The following TTYH2 variants were observed in gnomAD, a reference collection of about 807,000 sequenced individuals.
TTYH2 encodes tweety family member 2.
Under a neutral mutation model 68.3 loss-of-function variants are expected in TTYH2, and 49 were observed. The ratio of observed to expected loss-of-function variants is 0.72; its 90% CI spans 0.57 to 0.91. TTYH2 has a LOEUF of 0.91. Among genes scored for constraint, TTYH2 ranks in the 40% least tolerant of loss-of-function variants. The pLI is 0.00. For synonymous variants in TTYH2, 272 were observed against 300.8 expected (o/e 0.90, Z 0.99); for missense variants, 631 against 700.4 (o/e 0.90, Z 1.12).
chr17:74,225,761 C>G (rs1345113128), intron 2 of TTYH2, among the ~76,000 whole-genome samples: 1 of 152,182 alleles, frequency 6.6e-6, no homozygotes, highest in Non-Finnish European at 1.5e-5. Context: ...CCTACCAGCA[C>G]CTCCATCGGC....
chr17:74,230,763 A>G, intron 2 of TTYH2, 125 bp from the exon 3 acceptor site: 1 of 899,606 alleles, frequency 1.1e-6, no homozygotes, highest in Non-Finnish European at 1.6e-6. Flanking sequence ...CCTCAACTCA[A>G]CCTCCTGAGT....
rs750745999 is a variant in TTYH2 at position 74,249,928 on chromosome 17, T to C, written c.931-8T>C. ...CCTCACTGTGGGGCTGTGTCTTTCC[T>C]GGCTCAGACCCTGACCACCTTCCAG... is the stretch of plus-strand genomic sequence containing the variant. On this transcript the variant is annotated splice_polypyrimidine_tract_variant and splice_region_variant and intron_variant, in intron 8 of 13. Coordinates refer to ENST00000269346, the MANE Select transcript of TTYH2 (RefSeq NM_032646.6). The C allele has an allele frequency of 5.0e-6, 8 of 1,613,294 alleles. No individual in the cohort carries two copies. The highest frequency in any genetic ancestry group is 6.8e-6 in the Non-Finnish European group (8 of 1,179,764).
chr17:74,247,151 C>G (rs111396098), intron 6 of TTYH2, among the ~76,000 whole-genome samples: 17 of 146,560 alleles, frequency 1.2e-4, no homozygotes, highest in African/African-American at 3.8e-4. Context: ...CACTGCACTC[C>G]AGCCTGGGCG....
At chr17:74,237,173 G>A (rs2050451583) in intron 3 of TTYH2, 121 bp from the exon 4 acceptor site, 3 of 953,252 alleles carry the variant, frequency 3.1e-6, no homozygotes, top group Non-Finnish European at 4.8e-6. Flanking sequence ...GTGCTGGGAT[G>A]ACAGGCATGA....
chr17:74,218,755 G>C (rs370198343), intron 1 of TTYH2, among the ~76,000 whole-genome samples: 2 of 152,128 alleles, frequency 1.3e-5, no homozygotes, highest in Non-Finnish European at 2.9e-5. Context: ...GATCCTTCTC[G>C]GACGAGCCTT....
intron 3 of TTYH2, among the ~76,000 whole-genome samples, chr17:74,231,778 G>A (rs1405602477): frequency 6.6e-6 from 1 of 152,158 alleles, no homozygotes; most frequent in African/African-American, 2.4e-5. Context: ...GTGACTCCAG[G>A]TGGGGGCTCA....
Position 74,237,369 on chromosome 17 carries a change from C to A in TTYH2, c.490C>A (p.Arg164=), listed in dbSNP as rs200550210. ...LARLSEIFAA[R]GDYLQTLKFI... is the part of the protein sequence containing the mutation. ...CCGGCTCAGTGAGATCTTTGCTGCC[C>A]GGGGCGATTACCTGCAGACCCTGAA... Residue 164 remains arginine, a synonymous_variant, in exon 4 of 14, where the codon CGG becomes AGG. Transcript: ENST00000269346. 111 of 1,614,112 alleles carry A rather than the reference C, an allele frequency of 6.9e-5. No homozygotes were observed. In the East Asian group the frequency reaches 9.4e-4, roughly 14 times the overall value.
intron 2 of TTYH2, among the ~76,000 whole-genome samples, chr17:74,228,449 A>G (rs953508949): frequency 4.6e-5 from 7 of 152,218 alleles, no homozygotes; most frequent in African/African-American, 1.4e-4. Context: ...CAATCTTCAG[A>G]TGGTCTCAAG....
chr17:74,256,439 C>T lies in TTYH2; in HGVS notation c.1524+2606C>T, dbSNP rs915500619. On this transcript the variant is annotated intron_variant, in intron 13 of 13. Transcript: ENST00000269346. ...GCGTGTGGGATGTTCAGCAGCATCC[C>T]TGGCCTCTACCTGCTAGCAAGCCTG... Among the ~76,000 whole-genome samples the T allele has an allele frequency of 1.1e-4, 16 of 152,098 alleles. 1 individual carries two copies. The highest frequency in any genetic ancestry group is 9.8e-4 in the Admixed American group (15 of 15,272).
chr17:74,225,429 G>A (rs2050320117), intron 2 of TTYH2, among the ~76,000 whole-genome samples: 1 of 152,194 alleles, frequency 6.6e-6, no homozygotes, highest in Non-Finnish European at 1.5e-5. Context: ...TAAGAGCCAG[G>A]GGAGCCACTG....
chr17:74,223,153 G>C (rs559598455), intron 2 of TTYH2, among the ~76,000 whole-genome samples: 1 of 149,920 alleles, frequency 6.7e-6, no homozygotes, highest in East Asian at 1.9e-4. Context: ...CTGTTACCCA[G>C]GCTAGAGTGC....
rs73356668 is a variant in TTYH2 at position 74,251,048 on chromosome 17, G to A, written c.1116+691G>A. On this transcript the variant is annotated intron_variant, in intron 10 of 13. Transcript: ENST00000269346. ...TACAGCTATGTGTGTGTGCACGTGC[G>A]TGTGTCTGTGTGTGTGTGCGTGTGT... Among the ~76,000 whole-genome samples, 620 of 121,936 alleles carry A rather than the reference G, an allele frequency of 5.1e-3. 4 individuals carry two copies. The highest frequency in any genetic ancestry group is 0.021 in the African/African-American group (599 of 29,030). The allele number at this position is 121,936 out of a possible 152,430, so 80.0% of individuals were successfully genotyped here. A position where few individuals can be genotyped will look rare whatever the true frequency, so the allele number is the denominator to read the frequency against.
intron 5 of TTYH2, 151 bp downstream of exon 5, chr17:74,243,620 GAGAC>G (rs2050524782): frequency 5.3e-6 from 4 of 750,582 alleles, no homozygotes; most frequent in Admixed American, 2.4e-5. Context: ...CTCAGCAGAG[GAGAC>G]AGACAGCAGC....
At chr17:74,237,599 T>G (rs1262045048) in intron 4 of TTYH2, 85 bp downstream of exon 4, 5 of 1,205,696 alleles carry the variant, frequency 4.1e-6, no homozygotes, top group Non-Finnish European at 4.7e-6. Context: ...GAGCTCCAGG[T>G]GGAGAAGGGC....
chr17:74,250,090 C>A, intron 9 of TTYH2, 62 bp downstream of exon 9: 1 of 1,586,044 alleles, frequency 6.3e-7, no homozygotes, highest in East Asian at 2.2e-5. Context: ...TTTCCCCTGC[C>A]CCGGCCCCAG....
Position 74,230,904 on chromosome 17 carries a change from G to C in TTYH2, c.319G>C (p.Gly107Arg). ...TGCTTATAGTGCTGCGGTGGGCGTT[G>C]GTTTCTATGGAAACAGCGAGACCAA... ...GLICCAAVGV[G>R]FYGNSETNDG... Residue 107 changes from glycine to arginine, a missense_variant, in exon 3 of 14, where the codon GGT becomes CGT. Physicochemically the swap from Gly to Arg is moderately radical, Grantham distance 125. Coordinates refer to ENST00000269346, the MANE Select transcript of TTYH2 (RefSeq NM_032646.6). The C allele has an allele frequency of 6.2e-7, 1 of 1,614,114 alleles. No homozygotes were observed. The highest frequency in any genetic ancestry group is 8.5e-7 in the Non-Finnish European group (1 of 1,180,000).
intron 2 of TTYH2, among the ~76,000 whole-genome samples, 189 bp from the exon 3 acceptor site, chr17:74,230,699 G>A (rs1354444862): frequency 6.6e-6 from 1 of 151,106 alleles, no homozygotes; most frequent in Non-Finnish European, 1.5e-5. Flanking sequence ...GGAGTGCAGT[G>A]CCATGATCTT....
chr17:74,224,903 G>A (rs1221664860), intron 2 of TTYH2, among the ~76,000 whole-genome samples: 1 of 152,048 alleles, frequency 6.6e-6, no homozygotes, highest in Non-Finnish European at 1.5e-5. Flanking sequence ...GGAGGCTGAG[G>A]CAGGAGTATC....
In TTYH2 at chr17:74,214,048, G is replaced by C. The variant is rs1053887469; in HGVS notation, c.129+332G>C. On this transcript the variant is annotated intron_variant, in intron 1 of 13. Transcript: ENST00000269346. The surrounding 1 kb of genome is among the most constrained non-coding windows in gnomAD (Gnocchi z 4.6). ...GCGCGGGGGAGGGGTAAGGACAGGG[G>C]CATTCGTCTCGGGGTAATCCTGGCG... 6.6e-6 allele frequency among the ~76,000 whole-genome samples: 1 copy of C among 152,190 alleles called. No individual in the cohort carries two copies. Among genetic ancestry groups the C allele is most frequent in the Admixed American group, 6.5e-5 (1 of 15,286 alleles).
Sources: allele counts gnomAD v4.1 joint callset (sites outside exome capture counted in the v4.1 genomes callset), GRCh38; gene constraint gnomAD v4.1.1; non-coding constraint Gnocchi (gnomAD v3.1); transcripts MANE v1.5; gene names NCBI Gene and HGNC (gene_info 2026-07-23, HGNC 2026-07-21).